Variants in PIK3C2G observed in about 807,000 individuals in gnomAD.
The protein encoded by PIK3C2G is phosphatidylinositol-4-phosphate 3-kinase catalytic subunit type 2 gamma.
Under a neutral mutation model 181.1 loss-of-function variants are expected in PIK3C2G, and 168 were observed. The ratio of observed to expected loss-of-function variants is 0.93; its 90% CI spans 0.82 to 1.05. PIK3C2G has a LOEUF of 1.05. Ranked by LOEUF, PIK3C2G falls within the 50% of genes least tolerant of loss-of-function variation. The pLI is 0.00. For missense variants in PIK3C2G, 1,869 were observed against 1,732.8 expected, an observed-to-expected ratio of 1.08 and a Z score of -1.40; for synonymous variants, 573 against 592.2, an observed-to-expected ratio of 0.97 and a Z score of 0.47.
intron 1 of PIK3C2G, among the ~76,000 whole-genome samples, chr12:18,275,340 CAT>C (rs1435222060): frequency 7.9e-5 from 12 of 152,010 alleles, no homozygotes; most frequent in South Asian, 2.1e-4. Flanking sequence ...TCATTCACTT[CAT>C]CTTTCTCCTT....
chr12:18,544,259 G>A (rs529070518), intron 25 of PIK3C2G, among the ~76,000 whole-genome samples: 1 of 151,970 alleles, frequency 6.6e-6, no homozygotes, highest in East Asian at 1.9e-4. Flanking sequence ...AGATGAGGCT[G>A]GAGTGATAGG....
At chr12:18,479,837 G>A (rs1939385344) in intron 18 of PIK3C2G, among the ~76,000 whole-genome samples, 1 of 152,174 alleles carries the variant, frequency 6.6e-6, no homozygotes, top group South Asian at 2.1e-4. Flanking sequence ...TAGGTCGTTG[G>A]CCAAATTTCT....
intron 32 of PIK3C2G, among the ~76,000 whole-genome samples, chr12:18,641,743 CT>C (rs11285609): frequency 0.12 from 10,745 of 92,868 alleles, 304 homozygotes; most frequent in East Asian, 0.15. Context: ...CTCTCTCAAG[CT>C]TTTTTTTTTT....
intron 1 of PIK3C2G, among the ~76,000 whole-genome samples, chr12:18,264,772 T>C (rs1423898287): frequency 2.6e-5 from 4 of 152,186 alleles, no homozygotes; most frequent in Non-Finnish European, 5.9e-5. Flanking sequence ...TACTTTCTCA[T>C]CAACACTCAA....
intron 5 of PIK3C2G, among the ~76,000 whole-genome samples, chr12:18,313,429 T>C (rs1950722463): frequency 6.6e-6 from 1 of 152,120 alleles, no homozygotes; most frequent in Non-Finnish European, 1.5e-5. Context: ...GGGTTTCAGA[T>C]AGTTTTAGTT....
chr12:18,705,429 G>T, the PIK3C2G span: 1 of 1,290,950 alleles, frequency 7.7e-7, no homozygotes, highest in Non-Finnish European at 1.1e-6. Context: ...TAGTACCTTT[G>T]CAAAATAACT....
the PIK3C2G span, chr12:18,723,197 C>T: frequency 0.091 from 82,679 of 905,218 alleles, 4,354 homozygotes; most frequent in African/African-American, 0.15. Flanking sequence ...CATCCAAAAA[C>T]GGTAATTTGA....
intron 1 of PIK3C2G, among the ~76,000 whole-genome samples, chr12:18,249,939 A>C (rs1186172267): frequency 6.6e-6 from 1 of 152,054 alleles, no homozygotes; most frequent in African/African-American, 2.4e-5. Context: ...TAAAAAAAAA[A>C]AGCCTTTTAA....
At chr12:18,609,477 T>G in intron 30 of PIK3C2G, 58 bp from the exon 31 acceptor site, 2 of 931,644 alleles carry the variant, frequency 2.1e-6, no homozygotes, top group Middle Eastern at 4.3e-4. Context: ...AAATGTTTGA[T>G]TGTTCCTGTG....
the PIK3C2G span, among the ~76,000 whole-genome samples, chr12:18,681,904 A>C: frequency 6.6e-6 from 1 of 152,036 alleles, no homozygotes; most frequent in African/African-American, 2.4e-5. Flanking sequence ...TTTAAATTTC[A>C]TGGAATTCCA....
At position 18,538,230 on chromosome 12, in the gene PIK3C2G, T is replaced by G. The variant is rs746064790; in HGVS notation, c.3398T>G (p.Phe1133Cys). 1.9e-6 allele frequency: 3 copies of G among 1,612,570 alleles called. No individual in the cohort carries two copies. Among genetic ancestry groups the G allele is most frequent in the Non-Finnish European group, 2.5e-6 (3 of 1,179,104 alleles). Residue 1133 changes from phenylalanine to cysteine, a missense_variant, in exon 25 of 33, where the codon TTT (phenylalanine) becomes TGT (cysteine). Physicochemically the swap from Phe to Cys is radical, Grantham distance 205 (BLOSUM62 -2). Transcript: ENST00000538779. Reference protein sequence around the residue: ...ITEGGKNPQHFQDFVELCCRA... With the variant: ...ITEGGKNPQHCQDFVELCCRA... The stretch of plus-strand genomic sequence containing the variant: ...GAGGGTGGGAAAAACCCACAGCATT[T>G]TCAAGATTTTGTGGAACTTTGCTGT...
At chr12:18,528,667 C>A (rs944691999) in intron 24 of PIK3C2G, among the ~76,000 whole-genome samples, 4 of 152,128 alleles carry the variant, frequency 2.6e-5, no homozygotes, top group Non-Finnish European at 5.9e-5. Flanking sequence ...TCTACTATCA[C>A]GAATTATTGA....
chr12:18,472,299 A>G (rs1327122444), intron 18 of PIK3C2G, among the ~76,000 whole-genome samples: 1 of 152,202 alleles, frequency 6.6e-6, no homozygotes, highest in Non-Finnish European at 1.5e-5. Context: ...GAAAACATCT[A>G]TAAATATTTT....
the PIK3C2G span, chr12:18,692,666 T>C: frequency 3.2e-5 from 21 of 657,262 alleles, no homozygotes; most frequent in African/African-American, 3.7e-4. Flanking sequence ...AAAAAAATCA[T>C]TTCTACATTG....
At chr12:18,388,074 T>A (rs557977821) in intron 14 of PIK3C2G, among the ~76,000 whole-genome samples, 27 of 152,310 alleles carry the variant, frequency 1.8e-4, no homozygotes, top group African/African-American at 6.5e-4. Context: ...GATACAAAGT[T>A]TTTAGAACAC....
the PIK3C2G span, among the ~76,000 whole-genome samples, chr12:18,711,998 T>A: frequency 1.3e-5 from 2 of 152,174 alleles, no homozygotes; most frequent in African/African-American, 4.8e-5. Context: ...TATATAAATT[T>A]GTGATTTTAA....
intron 9 of PIK3C2G, among the ~76,000 whole-genome samples, chr12:18,340,356 A>G (rs553265350): frequency 9.8e-5 from 15 of 152,290 alleles, no homozygotes; most frequent in East Asian, 7.7e-4. Context: ...GCCACATTCA[A>G]TGTCATCCTC....
At chr12:18,261,964 T>C (rs369294466) in intron 1 of PIK3C2G, among the ~76,000 whole-genome samples, 200 of 152,260 alleles carry the variant, frequency 1.3e-3, no homozygotes, top group African/African-American at 4.6e-3. Context: ...GTGTACACTT[T>C]TAGTGTCTTG....
chr12:18,663,813 T>C, the PIK3C2G span, among the ~76,000 whole-genome samples: 3 of 152,046 alleles, frequency 2.0e-5, no homozygotes, highest in South Asian at 2.1e-4. Flanking sequence ...AAAGGCAATA[T>C]ACAAAATGGA....
Sources: gnomAD v4.1 joint callset for allele counts (sites outside exome capture counted in the v4.1 genomes callset) on GRCh38, gnomAD v4.1.1 for gene constraint, MANE v1.5 for transcripts, NCBI Gene and HGNC (gene_info 2026-07-23, HGNC 2026-07-21) for gene names.